FHIT: variants seen among roughly 807,000 people sequenced by gnomAD.
The protein encoded by FHIT is fragile histidine triad diadenosine triphosphatase, also known as bis(5'-adenosyl)-triphosphatase.
A neutral mutation model predicts 17.9 loss-of-function variants in FHIT; 19 were observed. The observed-to-expected ratio is 1.06, with a 90% confidence interval of 0.74 to 1.56. The LOEUF (loss-of-function observed/expected upper bound fraction) is 1.56. FHIT is among the 40% of genes most tolerant of loss of function. The pLI, the probability that FHIT is intolerant of heterozygous loss-of-function variation, is 0.00. For synonymous variants in FHIT, 81 were observed against 69.7 expected (o/e 1.16, Z -0.81); for missense variants, 248 against 189.2 (o/e 1.31, Z -1.82).
intron 1 of FHIT, among the ~76,000 whole-genome samples, chr3:61,217,912 CT>C (rs765079671): frequency 3.5e-4 from 53 of 152,074 alleles, no homozygotes; most frequent in Non-Finnish European, 6.9e-4. Context: ...GACAGTTTCC[CT>C]TTGTGAATTG....
At chr3:59,918,906 A>T (rs1171341994) in intron 8 of FHIT, among the ~76,000 whole-genome samples, 2 of 152,242 alleles carry the variant, frequency 1.3e-5, no homozygotes, top group African/African-American at 4.8e-5. Context: ...CCCAAGGACC[A>T]TCAATATGCA....
At chr3:60,526,522 G>A (rs926274244) in intron 5 of FHIT, among the ~76,000 whole-genome samples, 10 of 152,108 alleles carry the variant, frequency 6.6e-5, no homozygotes, top group Admixed American at 2.0e-4. Flanking sequence ...AAGGGCTACC[G>A]AAAAGGTGAA....
intron 5 of FHIT, among the ~76,000 whole-genome samples, chr3:60,491,410 A>C (rs2034060729): frequency 6.6e-6 from 1 of 150,482 alleles, no homozygotes; most frequent in Non-Finnish European, 1.5e-5. Context: ...TTCTAATTGT[A>C]AACTGGGTGA....
chr3:60,921,871 C>G (rs1397548586), intron 3 of FHIT, among the ~76,000 whole-genome samples: 1 of 152,188 alleles, frequency 6.6e-6, no homozygotes, highest in African/African-American at 2.4e-5. Flanking sequence ...AACTTAGCCC[C>G]TGATCATGCC....
intron 5 of FHIT, among the ~76,000 whole-genome samples, chr3:60,428,627 A>C (rs1702764130): frequency 6.6e-6 from 1 of 152,192 alleles, no homozygotes; most frequent in South Asian, 2.1e-4. Context: ...TGGAAACTTG[A>C]CAGCATAAAG....
intron 5 of FHIT, among the ~76,000 whole-genome samples, chr3:60,508,633 T>C (rs1005876346): frequency 4.6e-5 from 7 of 152,156 alleles, no homozygotes; most frequent in African/African-American, 7.2e-5. Flanking sequence ...AAATAGATAA[T>C]ACAAAGTACT....
At chr3:59,931,122 GCA>G (rs1280947746) in intron 7 of FHIT, among the ~76,000 whole-genome samples, 1 of 152,196 alleles carries the variant, frequency 6.6e-6, no homozygotes, top group African/African-American at 2.4e-5. Flanking sequence ...AGCTAATGCT[GCA>G]CATTCTGAAT....
rs116484665 is a variant in FHIT at position 60,020,309 on chromosome 3, G to A, written c.104-6157C>T. On this transcript the variant is annotated intron_variant, in intron 5 of 9. Transcript: ENST00000492590. ...AATATTTAAACATGGAGCACTGACA[G>A]ATAAATGGAAATGTACTGATTCAGA... Among the ~76,000 whole-genome samples the A allele has an allele frequency of 8.3e-3, 1,266 of 152,306 alleles. 22 individuals are homozygous for A. Among genetic ancestry groups the A allele is most frequent in the African/African-American group, 0.028 (1,178 of 41,572 alleles).
intron 5 of FHIT, among the ~76,000 whole-genome samples, chr3:60,214,637 C>G (rs902688599): frequency 6.6e-6 from 1 of 152,042 alleles, no homozygotes; most frequent in African/African-American, 2.4e-5. Context: ...ACAGAATTAC[C>G]ATTTAAACCA....
chr3:59,964,690 T>C (rs906668436), intron 7 of FHIT, among the ~76,000 whole-genome samples: 2 of 152,146 alleles, frequency 1.3e-5, no homozygotes, highest in Non-Finnish European at 2.9e-5. Context: ...TCTCTACCCA[T>C]TCCCAATAGT....
intron 5 of FHIT, among the ~76,000 whole-genome samples, chr3:60,129,846 ATTC>A (rs1267712564): frequency 6.6e-6 from 1 of 152,144 alleles, no homozygotes; most frequent in African/African-American, 2.4e-5. Flanking sequence ...TGAACTTTTA[ATTC>A]TTATCTGATT....
intron 8 of FHIT, among the ~76,000 whole-genome samples, chr3:59,818,223 T>C (rs927361921): frequency 1.3e-5 from 2 of 152,168 alleles, no homozygotes; most frequent in Non-Finnish European, 2.9e-5. Context: ...GCATTCATTA[T>C]GAATCAGCCC....
intron 5 of FHIT, among the ~76,000 whole-genome samples, chr3:60,382,023 C>A (rs1700819534): frequency 6.6e-6 from 1 of 152,202 alleles, no homozygotes; most frequent in Non-Finnish European, 1.5e-5. Flanking sequence ...TCAGTAGCCA[C>A]ATATGGCTTA....
At chr3:60,747,635 A>C (rs1401731144) in intron 4 of FHIT, among the ~76,000 whole-genome samples, 1 of 152,260 alleles carries the variant, frequency 6.6e-6, no homozygotes, top group African/African-American at 2.4e-5. Context: ...GCAACAAAGC[A>C]GGTATTTAGA....
At chr3:60,168,073 G>A (rs556028441) in intron 5 of FHIT, among the ~76,000 whole-genome samples, 1 of 152,242 alleles carries the variant, frequency 6.6e-6, no homozygotes, top group South Asian at 2.1e-4. Flanking sequence ...GTCCTGAGTT[G>A]ATCAAGTTGC....
At chr3:59,929,143 A>G (rs1292817422) in intron 7 of FHIT, among the ~76,000 whole-genome samples, 1 of 152,020 alleles carries the variant, frequency 6.6e-6, no homozygotes, top group Non-Finnish European at 1.5e-5. Context: ...AAAGGTTAAC[A>G]ATAATGTTAC....
chr3:59,907,435 G>A (rs551226973), intron 8 of FHIT, among the ~76,000 whole-genome samples: 8 of 152,300 alleles, frequency 5.3e-5, no homozygotes, highest in African/African-American at 1.7e-4. Context: ...TTCAAAAGGC[G>A]CTGCCCCAGT....
At chr3:60,536,779 A>C (rs2035996345) in intron 5 of FHIT, 81 bp downstream of exon 5, 2 of 1,441,714 alleles carry the variant, frequency 1.4e-6, no homozygotes, top group Admixed American at 2.6e-5. Flanking sequence ...ACTGGAGGCC[A>C]ATCTTGTATT....
chr3:59,817,342 C>G (rs2106638253), intron 8 of FHIT, among the ~76,000 whole-genome samples: 1 of 151,968 alleles, frequency 6.6e-6, no homozygotes, highest in Admixed American at 6.5e-5. Context: ...CCAGTTGGAA[C>G]AAGAGCCATC....
Sources: allele counts gnomAD v4.1 joint callset (sites outside exome capture counted in the v4.1 genomes callset), GRCh38; gene constraint gnomAD v4.1.1; transcripts MANE v1.5; gene names NCBI Gene and HGNC (gene_info 2026-07-23, HGNC 2026-07-21).